CHST7: variants seen among roughly 807,000 people sequenced by gnomAD.
CHST7 encodes carbohydrate sulfotransferase 7, also known as N-acetylglucosamine 6-O-sulfotransferase 4.
Under a neutral mutation model 9.0 loss-of-function variants are expected in CHST7, and 5 were observed. That is an observed-to-expected ratio of 0.56 (90% CI 0.29 to 1.17). CHST7 has a LOEUF of 1.17. Among genes scored for constraint, CHST7 ranks in the 50% most tolerant of loss-of-function variants. CHST7 has a pLI of 0.08. For missense variants in CHST7, 377 were observed against 485.1 expected, an observed-to-expected ratio of 0.78 and a Z score of 2.09; for synonymous variants, 244 against 237.1, an observed-to-expected ratio of 1.03 and a Z score of -0.27.
intron 1 of CHST7, among the ~76,000 whole-genome samples, chrX:46,576,991 C>T (rs1942502418): frequency 8.9e-6 from 1 of 111,820 alleles, no homozygotes; most frequent in Admixed American, 9.5e-5. Flanking sequence ...CTTTCATCTG[C>T]TGATCCTGTA....
intron 1 of CHST7, among the ~76,000 whole-genome samples, chrX:46,589,879 T>A (rs1942566000): frequency 9.0e-6 from 1 of 111,370 alleles, no homozygotes; most frequent in Admixed American, 9.6e-5. Flanking sequence ...CTGCCTGAAT[T>A]AGCGGTACTT....
chrX:46,591,830 G>A (rs766679110), intron 1 of CHST7, among the ~76,000 whole-genome samples: 5 of 110,673 alleles, frequency 4.5e-5, no homozygotes, highest in African/African-American at 1.3e-4. Flanking sequence ...TAAGCCCCGC[G>A]TGCATTAGAT....
At chrX:46,576,298 C>T (rs1166690676) in intron 1 of CHST7, among the ~76,000 whole-genome samples, 1 of 110,562 alleles carries the variant, frequency 9.0e-6, no homozygotes, top group African/African-American at 3.3e-5. Context: ...GGTCAGCTTC[C>T]TCTAGTGTCG....
chrX:46,579,537 A>T (rs1942514878), intron 1 of CHST7, among the ~76,000 whole-genome samples: 1 of 109,543 alleles, frequency 9.1e-6, no homozygotes, highest in Non-Finnish European at 1.9e-5. Context: ...AAGAAGGCAA[A>T]CACCCTGTAA....
chrX:46,589,825 G>A (rs1942565735), intron 1 of CHST7, among the ~76,000 whole-genome samples: 1 of 111,161 alleles, frequency 9.0e-6, no homozygotes, highest in African/African-American at 3.3e-5. Context: ...CAACACGGGG[G>A]AATAGGAACC....
At position 46,598,138 on chromosome X, in the gene CHST7, C is replaced by G. The variant is rs1942606179; in HGVS notation, c.*410C>G. The G allele has an allele frequency of 8.9e-6, 1 of 111,958 alleles. No individual in the cohort carries two copies. The highest frequency in any genetic ancestry group is 9.5e-5 in the Admixed American group (1 of 10,506). 9.2% of individuals were successfully genotyped at this position (111,958 alleles called of 1,213,427 possible). On this transcript the variant is annotated 3_prime_UTR_variant, in exon 2 of 2. Transcript: ENST00000276055. ...CGAAAACATCAATGTGAATAAGGGC[C>G]AAGTGCAGTCCTGTCTTGATTAAAT...
Position 46,575,361 on chromosome X carries a change from C to T in CHST7, c.1430C>T (p.Pro477Leu), listed in dbSNP as rs749451933. Residue 477 changes from proline (P) to leucine (L), a missense_variant, in exon 1 of 2, where the codon CCG becomes CTG. Physicochemically the swap from Pro to Leu is moderately conservative, Grantham distance 98 (BLOSUM62 -3). Transcript: ENST00000276055. ...GAGCAGCCCAGGGAAGGGGAGACGC[C>T]GCTGGAGATGGATGCCGACGGCGCC... Reference protein sequence around the residue: ...DAEQPREGETPLEMDADGAT With the variant: ...DAEQPREGETLLEMDADGAT The T allele has an allele frequency of 3.8e-6, 4 of 1,055,477 alleles. No homozygotes were observed. The East Asian group carries it at 1.1e-4, about 29-fold the overall frequency. The allele number at this position is 1,055,477 out of a possible 1,213,427, so 87.0% of individuals were successfully genotyped here. A position where few individuals can be genotyped will look rare whatever the true frequency, so the allele number is the denominator to read the frequency against.
At chrX:46,594,672 C>T (rs995750705) in intron 1 of CHST7, among the ~76,000 whole-genome samples, 2 of 111,682 alleles carry the variant, frequency 1.8e-5, no homozygotes, top group Non-Finnish European at 3.8e-5. Flanking sequence ...TGTGTCATTT[C>T]TCTCTAGTTG....
rs56904751 is a variant in CHST7 at position 46,580,058 on chromosome X, ATT to A, written c.*31+4652_*31+4653del. ...ACACACAGACTGCTAAAGAATGGGC[ATT>A]TTTTTTTTTTTTTTTTGAGATGGAG... On this transcript the variant is annotated intron_variant, in intron 1 of 1. Transcript: ENST00000276055. Among the ~76,000 whole-genome samples the A allele has an allele frequency of 6.7e-3, 602 of 89,310 alleles. 10 individuals are homozygous for A. The highest frequency in any genetic ancestry group is 0.025 in the East Asian group (69 of 2,776). 77.6% of individuals were successfully genotyped at this position (89,310 alleles called of 115,157 possible). A position where few individuals can be genotyped will look rare whatever the true frequency, so the allele number is the denominator to read the frequency against.
At chrX:46,577,298 C>A (rs927148081) in intron 1 of CHST7, among the ~76,000 whole-genome samples, 3 of 110,105 alleles carry the variant, frequency 2.7e-5, no homozygotes, top group Non-Finnish European at 5.7e-5. Context: ...GTTTGGAAGG[C>A]CGATGGGGCT....
At chrX:46,589,178 G>T (rs1942562452) in intron 1 of CHST7, among the ~76,000 whole-genome samples, 1 of 111,588 alleles carries the variant, frequency 9.0e-6, no homozygotes, top group African/African-American at 3.3e-5. Flanking sequence ...TTCTAAATAT[G>T]CACCCAAAGA....
intron 1 of CHST7, among the ~76,000 whole-genome samples, chrX:46,595,040 C>A (rs1174918574): frequency 8.9e-6 from 1 of 112,181 alleles, no homozygotes. Context: ...TGAGCCCATC[C>A]AGTGAGTTTT....
chrX:46,598,022 AC>A lies in CHST7; in HGVS notation c.*296del, dbSNP rs1811555165. On this transcript the variant is annotated 3_prime_UTR_variant, in exon 2 of 2. Transcript: ENST00000276055. ...GGAAGAGCTTTAGTTCCCAGGCTGA[AC>A]CTGCCACTGCTGGAGCCATTTCAAC... The A allele has an allele frequency of 8.9e-6, 1 of 112,200 alleles. No homozygotes were observed. The highest frequency in any genetic ancestry group is 1.9e-5 in the Non-Finnish European group (1 of 53,039). The allele number at this position is 112,200 out of a possible 1,213,427, so 9.2% of individuals were successfully genotyped here.
chrX:46,587,082 T>G (rs913360435), intron 1 of CHST7, among the ~76,000 whole-genome samples: 3 of 111,891 alleles, frequency 2.7e-5, no homozygotes. Flanking sequence ...TGTTCTCAAG[T>G]GAGCTCAAAA....
intron 1 of CHST7, among the ~76,000 whole-genome samples, chrX:46,586,582 A>G (rs1490589882): frequency 8.9e-6 from 1 of 111,963 alleles, no homozygotes; most frequent in Non-Finnish European, 1.9e-5. Flanking sequence ...CCAAATATAT[A>G]TTATAAAATA....
In CHST7 at chrX:46,595,433, C is replaced by T. The variant is rs139907418; in HGVS notation, c.*32-2327C>T. On this transcript the variant is annotated intron_variant, in intron 1 of 1. Coordinates refer to ENST00000276055, the MANE Select transcript of CHST7 (RefSeq NM_019886.4). ...AAGGGGCACATCACCTGGTTACTGC[C>T]AGGTCAAGGTGGCAGTCCAGAGATC... Among the ~76,000 whole-genome samples the T allele has an allele frequency of 6.6e-3, 741 of 112,406 alleles. 4 individuals carry two copies. Among genetic ancestry groups the T allele is most frequent in the African/African-American group, 0.023 (706 of 30,942 alleles).
chrX:46,578,145 C>T (rs1942507739), intron 1 of CHST7, among the ~76,000 whole-genome samples: 1 of 110,207 alleles, frequency 9.1e-6, no homozygotes, highest in African/African-American at 3.3e-5. Flanking sequence ...CCCACTGTAA[C>T]AAGATGGTAG....
intron 1 of CHST7, among the ~76,000 whole-genome samples, chrX:46,584,546 A>AAAAAT (rs2146639547): frequency 9.2e-6 from 1 of 108,832 alleles, no homozygotes; most frequent in African/African-American, 3.4e-5. Flanking sequence ...AAAAAAAAAA[A>AAAAAT]AAAAAAAAGG....
intron 1 of CHST7, among the ~76,000 whole-genome samples, chrX:46,593,617 G>T (rs955541440): frequency 1.8e-5 from 2 of 111,712 alleles, no homozygotes; most frequent in African/African-American, 6.5e-5. Context: ...TTTAGTTTAT[G>T]TATTTAAACC....
Sources: allele counts gnomAD v4.1 joint callset (sites outside exome capture counted in the v4.1 genomes callset), GRCh38; gene constraint gnomAD v4.1.1; transcripts MANE v1.5; gene names NCBI Gene and HGNC (gene_info 2026-07-23, HGNC 2026-07-21).